The following AGAP1 variants were observed in gnomAD, a reference collection of about 807,000 sequenced individuals.
AGAP1 encodes arf-GAP with GTPase, ANK repeat and PH domain-containing protein 1.
A neutral mutation model predicts 105.3 loss-of-function variants in AGAP1; 29 were observed. The observed-to-expected ratio is 0.28, with a 90% CI of 0.21 to 0.38. The LOEUF (loss-of-function observed/expected upper bound fraction) is 0.38. Ranked by LOEUF, AGAP1 falls within the 10% of genes least tolerant of loss-of-function variation. The pLI is 1.00. For synonymous variants in AGAP1, 509 were observed against 485.9 expected, an observed-to-expected ratio of 1.05 and a Z score of -0.63; for missense variants, 998 against 1,165.1, an observed-to-expected ratio of 0.86 and a Z score of 2.09.
Position 235,665,386 on chromosome 2 carries a change from A to G in AGAP1, c.164-43793A>G, listed in dbSNP as rs1559324626. On this transcript the variant is annotated intron_variant, in intron 1 of 17. Transcript: ENST00000304032. This position sits in a 1 kb window ranked among gnomAD's most constrained non-coding sequence, Gnocchi z 5.3. ...ACTTGTCCTTCCTCCACTAGCAGAT[A>G]AGGGTCAAGTCCTCATCTCTTTTAC... Among the ~76,000 whole-genome samples the G allele has an allele frequency of 6.6e-6, 1 of 152,162 alleles. No individual in the cohort carries two copies. The highest frequency in any genetic ancestry group is 1.5e-5 in the Non-Finnish European group (1 of 68,024).
intron 16 of AGAP1, among the ~76,000 whole-genome samples, chr2:236,074,658 A>C (rs904690215): frequency 1.3e-5 from 2 of 152,162 alleles, no homozygotes; most frequent in African/African-American, 2.4e-5. Context: ...AATGACCAAA[A>C]ATTTCTTCAG....
chr2:235,775,058 C>T (rs1014767046), intron 6 of AGAP1, among the ~76,000 whole-genome samples: 4 of 152,066 alleles, frequency 2.6e-5, no homozygotes, highest in African/African-American at 9.7e-5. Context: ...GGAGTAGTGA[C>T]AAAGCAAAAG....
In AGAP1 at chr2:235,988,879, G is replaced by A. The variant is rs1249497994; in HGVS notation, c.1645+20256G>A. Among the ~76,000 whole-genome samples, 2 of 152,088 alleles carry A rather than the reference G, an allele frequency of 1.3e-5. No individual in the cohort carries two copies. The highest frequency in any genetic ancestry group is 2.9e-5 in the Non-Finnish European group (2 of 68,018). On this transcript the variant is annotated intron_variant, in intron 13 of 17. Transcript: ENST00000304032. The surrounding 1 kb of genome is among the most constrained non-coding windows in gnomAD (Gnocchi z 4.7). Reference sequence around the variant, plus strand: ...CATCACTCACATGGTCCCCCAGCAGGTAACTTGCTTCAGCGCCACTTTGCC... The same window carrying A: ...CATCACTCACATGGTCCCCCAGCAGATAACTTGCTTCAGCGCCACTTTGCC...
At chr2:235,834,357 G>C (rs1959857024) in intron 9 of AGAP1, among the ~76,000 whole-genome samples, 1 of 152,182 alleles carries the variant, frequency 6.6e-6, no homozygotes. Context: ...TCACACTGCA[G>C]ATTCAGATAT....
intron 1 of AGAP1, among the ~76,000 whole-genome samples, chr2:235,646,328 A>G (rs538810090): frequency 1.3e-4 from 20 of 152,242 alleles, no homozygotes; most frequent in Admixed American, 5.9e-4. Context: ...CCATCTTAAG[A>G]TAATGCATCT....
chr2:235,730,042 A>G (rs1951858104), intron 3 of AGAP1, among the ~76,000 whole-genome samples: 1 of 152,140 alleles, frequency 6.6e-6, no homozygotes, highest in Admixed American at 6.5e-5. Flanking sequence ...TCGAATAGCA[A>G]CCATCCTTTC....
At chr2:235,735,360 A>G (rs1952187301) in intron 3 of AGAP1, among the ~76,000 whole-genome samples, 1 of 152,190 alleles carries the variant, frequency 6.6e-6, no homozygotes, top group Admixed American at 6.5e-5. Context: ...AGCAGAAATG[A>G]CAGCATAGAT....
At chr2:235,810,854 T>TAA (rs1559515438) in intron 9 of AGAP1, among the ~76,000 whole-genome samples, 1 of 146,392 alleles carries the variant, frequency 6.8e-6, no homozygotes, top group African/African-American at 2.5e-5. Flanking sequence ...TTTTTTTTTT[T>TAA]ACTAATAAGG....
At position 236,024,092 on chromosome 2, in the gene AGAP1, G is replaced by A. The variant is rs1448930410; in HGVS notation, c.1646-12469G>A. On this transcript the variant is annotated intron_variant, in intron 13 of 17. Coordinates refer to ENST00000304032, the MANE Select transcript of AGAP1 (RefSeq NM_001037131.3). ...GTCACCCAGGCTGGAGTGCAGTGGT[G>A]TGATCTTGGCTCACTACAACCTCCG... 2.7e-5 allele frequency among the ~76,000 whole-genome samples: 4 copies of A among 145,898 alleles called. No individual in the cohort carries two copies. In the South Asian group the frequency reaches 6.7e-4, roughly 24 times the overall value.
intron 1 of AGAP1, among the ~76,000 whole-genome samples, chr2:235,587,304 T>C (rs995088145): frequency 5.9e-5 from 9 of 151,966 alleles, no homozygotes; most frequent in African/African-American, 2.2e-4. Context: ...AGCCAGAGAG[T>C]GACAGAGATT....
In AGAP1 at chr2:236,045,075, G is replaced by A. The variant is rs751115544; in HGVS notation, c.1892-3984G>A. 2.6e-5 allele frequency among the ~76,000 whole-genome samples: 4 copies of A among 152,068 alleles called. No homozygotes were observed. The highest frequency in any genetic ancestry group is 4.4e-5 in the Non-Finnish European group (3 of 68,014). On this transcript the variant is annotated intron_variant, in intron 15 of 17. Coordinates refer to ENST00000304032, the MANE Select transcript of AGAP1 (RefSeq NM_001037131.3). This position sits in a 1 kb window ranked among gnomAD's most constrained non-coding sequence, Gnocchi z 6.9. ...GACTACATGTGCGTGCCACCACGCC[G>A]ACCTGATTTTTTAAATTTTTTGTAG...
At chr2:235,605,066 A>G (rs1945881900) in intron 1 of AGAP1, among the ~76,000 whole-genome samples, 1 of 150,782 alleles carries the variant, frequency 6.6e-6, no homozygotes, top group African/African-American at 2.4e-5. Context: ...TTTAGTAGAG[A>G]TGGGTTTCAC....
intron 9 of AGAP1, among the ~76,000 whole-genome samples, chr2:235,836,471 G>C (rs141177534): frequency 2.9e-4 from 44 of 152,310 alleles, no homozygotes; most frequent in East Asian, 2.5e-3. Context: ...AGCTGCACTC[G>C]TGACTGGGGT....
rs1559592975 is a variant in AGAP1, at chr2:235,874,450, C to G, written c.1051-8895C>G. 1.3e-5 allele frequency among the ~76,000 whole-genome samples: 2 copies of G among 152,198 alleles called. No individual in the cohort carries two copies. The highest frequency in any genetic ancestry group is 1.3e-4 in the Admixed American group (2 of 15,276). On this transcript the variant is annotated intron_variant, in intron 9 of 17. Coordinates refer to ENST00000304032, the MANE Select transcript of AGAP1 (RefSeq NM_001037131.3). This position sits in a 1 kb window ranked among gnomAD's most constrained non-coding sequence, Gnocchi z 4.5. ...CAGCAGCTTCTCAGACATGGCTGCC[C>G]TCATGCCTCCTTGGGGCCAGGGCTG...
intron 3 of AGAP1, among the ~76,000 whole-genome samples, chr2:235,730,989 G>A (rs372566034): frequency 1.7e-4 from 26 of 152,106 alleles, no homozygotes; most frequent in Middle Eastern, 6.8e-3. Context: ...CCCCTAGCCC[G>A]GCTCTCCTTG....
chr2:236,100,516 A>G (rs1016736529), intron 16 of AGAP1, among the ~76,000 whole-genome samples: 4 of 152,020 alleles, frequency 2.6e-5, no homozygotes, highest in Non-Finnish European at 5.9e-5. Flanking sequence ...TGATATTTTT[A>G]TTGTTTTTCA....
In AGAP1 at chr2:235,690,299, A is replaced by C. The variant is rs1370843569; in HGVS notation, c.164-18880A>C. Among the ~76,000 whole-genome samples the C allele has an allele frequency of 6.6e-6, 1 of 151,452 alleles. No homozygotes were observed. The highest frequency in any genetic ancestry group is 1.5e-5 in the Non-Finnish European group (1 of 67,942). On this transcript the variant is annotated intron_variant, in intron 1 of 17. Transcript: ENST00000304032. This position sits in a 1 kb window ranked among gnomAD's most constrained non-coding sequence, Gnocchi z 4.1. ...CCTCCCTCCGCACCCCACCCTTTAA[A>C]GGTGAAAGCAGCAGGTGGGGTGGAC... is the stretch of plus-strand genomic sequence containing the variant.
chr2:235,820,778 G>A (rs890312302), intron 9 of AGAP1, among the ~76,000 whole-genome samples: 1 of 152,240 alleles, frequency 6.6e-6, no homozygotes, highest in African/African-American at 2.4e-5. Flanking sequence ...ACGAGAAGCA[G>A]ATAGCTCTGG....
intron 9 of AGAP1, among the ~76,000 whole-genome samples, chr2:235,857,467 C>A (rs888290901): frequency 6.6e-6 from 1 of 152,214 alleles, no homozygotes; most frequent in African/African-American, 2.4e-5. Context: ...TCCTGCCTTG[C>A]AGGGTCCTGA....
Sources: gnomAD v4.1 joint callset for allele counts (sites outside exome capture counted in the v4.1 genomes callset) on GRCh38, gnomAD v4.1.1 for gene constraint, Gnocchi (gnomAD v3.1) non-coding constraint, MANE v1.5 for transcripts, NCBI Gene and HGNC (gene_info 2026-07-23, HGNC 2026-07-21) for gene names.